Variants in DPP10 observed in about 807,000 individuals in gnomAD.
The protein encoded by DPP10 is inactive dipeptidyl peptidase 10.
In DPP10, 33 loss-of-function variants were observed where a neutral mutation model predicts 120.9. That is an observed-to-expected ratio of 0.27 (90% CI 0.21 to 0.37). The LOEUF (loss-of-function observed/expected upper bound fraction) is 0.37. Ranked by LOEUF, DPP10 falls within the 10% of genes least tolerant of loss-of-function variation. DPP10 has a pLI of 1.00. For missense variants in DPP10, 816 were observed against 942.8 expected, an observed-to-expected ratio of 0.87 and a Z score of 1.76; for synonymous variants, 337 against 326.1, an observed-to-expected ratio of 1.03 and a Z score of -0.36.
At chr2:114,881,514 A>G (rs62165252) in intron 1 of DPP10, among the ~76,000 whole-genome samples, 687 of 49,122 alleles carry the variant, frequency 0.014, 12 homozygotes, top group Middle Eastern at 0.045. Context: ...CTGTCTGTCT[A>G]TCTATCTATC....
chr2:115,449,925 T>G (rs928958815), intron 3 of DPP10, among the ~76,000 whole-genome samples: 1 of 152,072 alleles, frequency 6.6e-6, no homozygotes, highest in Non-Finnish European at 1.5e-5. Context: ...TGTCCTTTTA[T>G]TATTCGGAGA....
intron 1 of DPP10, among the ~76,000 whole-genome samples, chr2:114,980,654 A>G (rs1700025412): frequency 1.3e-5 from 2 of 151,554 alleles, no homozygotes; most frequent in Admixed American, 1.3e-4. Flanking sequence ...AAAAAAGAAT[A>G]CAATTCAGAA....
chr2:115,073,406 A>G (rs1707533305), intron 1 of DPP10, among the ~76,000 whole-genome samples: 1 of 152,206 alleles, frequency 6.6e-6, no homozygotes, highest in Non-Finnish European at 1.5e-5. Flanking sequence ...GCCTGTCGCT[A>G]GGCGCAGGGG....
At chr2:114,788,417 A>ATTTT (rs66808432) in intron 1 of DPP10, among the ~76,000 whole-genome samples, 1 of 145,822 alleles carries the variant, frequency 6.9e-6, no homozygotes, top group Non-Finnish European at 1.5e-5. Flanking sequence ...GAACATGTAC[A>ATTTT]TTTTTTTTTT....
At chr2:114,826,103 C>T (rs375780468) in intron 1 of DPP10, among the ~76,000 whole-genome samples, 4 of 152,062 alleles carry the variant, frequency 2.6e-5, no homozygotes, top group Non-Finnish European at 4.4e-5. Context: ...GAAAAACAAC[C>T]TTTCCAATGG....
chr2:115,130,093 T>A (rs930572247), intron 1 of DPP10, among the ~76,000 whole-genome samples: 1 of 152,204 alleles, frequency 6.6e-6, no homozygotes, highest in Non-Finnish European at 1.5e-5. Context: ...CCTATCCATA[T>A]ATCTCTACTA....
intron 1 of DPP10, among the ~76,000 whole-genome samples, chr2:114,595,031 T>C (rs965415158): frequency 5.3e-5 from 8 of 152,134 alleles, no homozygotes; most frequent in Non-Finnish European, 1.2e-4. Context: ...AAAAAACATG[T>C]TGGCCTCTCT....
chr2:115,302,383 A>G (rs1286543756), intron 1 of DPP10, among the ~76,000 whole-genome samples: 1 of 152,044 alleles, frequency 6.6e-6, no homozygotes, highest in Non-Finnish European at 1.5e-5. Context: ...GAGTTCTTTT[A>G]TAAACAAATT....
Position 114,541,143 on chromosome 2 carries a change from T to C in DPP10, c.60+98305T>C, listed in dbSNP as rs76601828. Among the ~76,000 whole-genome samples the C allele has an allele frequency of 1.5e-3, 235 of 152,336 alleles. 3 individuals are homozygous for C. The East Asian group carries it at 0.032, about 21-fold the overall frequency. ...CTCTGGCAGGGGTTGTGATTTCCGA[T>C]GGGGGCGAAGTCACGGCTTTTCGCA... On this transcript the variant is annotated intron_variant, in intron 1 of 25. Coordinates refer to ENST00000410059, the MANE Select transcript of DPP10 (RefSeq NM_020868.6).
In DPP10 at chr2:115,350,155, C is replaced by T. The variant is rs372461424; in HGVS notation, c.271+6243C>T. ...CAATTTGCATCTTTTTAATGGAAAA[C>T]TAAACAGCTGTAAAAATTAATATTT... On this transcript the variant is annotated intron_variant, in intron 3 of 25. Coordinates refer to ENST00000410059, the MANE Select transcript of DPP10 (RefSeq NM_020868.6). Among the ~76,000 whole-genome samples the T allele has an allele frequency of 8.6e-5, 13 of 151,902 alleles. No individual in the cohort carries two copies. The East Asian group carries it at 2.3e-3, about 27-fold the overall frequency.
At chr2:114,525,994 G>A (rs1418234229) in intron 1 of DPP10, among the ~76,000 whole-genome samples, 1 of 152,188 alleles carries the variant, frequency 6.6e-6, no homozygotes, top group Admixed American at 6.5e-5. Context: ...AGAAATATGA[G>A]CATAATACAA....
intron 7 of DPP10, among the ~76,000 whole-genome samples, chr2:115,715,210 A>G (rs2092451056): frequency 6.6e-6 from 1 of 150,906 alleles, no homozygotes; most frequent in Non-Finnish European, 1.5e-5. Flanking sequence ...GTGGTGGCAC[A>G]TGCCTGTAAT....
intron 1 of DPP10, among the ~76,000 whole-genome samples, chr2:114,629,721 C>T (rs910603482): frequency 6.6e-6 from 1 of 152,032 alleles, no homozygotes; most frequent in Non-Finnish European, 1.5e-5. Flanking sequence ...ACGATATGGA[C>T]CTAAATTCAT....
At chr2:114,772,462 T>A (rs1681356000) in intron 1 of DPP10, among the ~76,000 whole-genome samples, 1 of 112,444 alleles carries the variant, frequency 8.9e-6, no homozygotes, top group Admixed American at 8.2e-5. Flanking sequence ...CCCAGCCACC[T>A]TTTTTATTTT....
chr2:115,811,133 A>G (rs1686595679), intron 19 of DPP10, among the ~76,000 whole-genome samples: 1 of 152,194 alleles, frequency 6.6e-6, no homozygotes, highest in African/African-American at 2.4e-5. Flanking sequence ...TGTTCCTTAT[A>G]ATGCCAATGA....
At chr2:115,840,581 C>T (rs888944795) in intron 24 of DPP10, among the ~76,000 whole-genome samples, 169 bp from the exon 25 acceptor site, 1 of 151,916 alleles carries the variant, frequency 6.6e-6, no homozygotes, top group Non-Finnish European at 1.5e-5. Context: ...ACCTCGGCCT[C>T]CCAAAGTGCT....
intron 1 of DPP10, among the ~76,000 whole-genome samples, chr2:114,976,434 A>G (rs989208494): frequency 6.6e-6 from 1 of 152,070 alleles, no homozygotes; most frequent in Non-Finnish European, 1.5e-5. Flanking sequence ...TGGGCAGGTA[A>G]TTTTTTCCCA....
chr2:114,915,250 C>A (rs1435774817), intron 1 of DPP10, among the ~76,000 whole-genome samples: 1 of 152,022 alleles, frequency 6.6e-6, no homozygotes, highest in Non-Finnish European at 1.5e-5. Flanking sequence ...CAAAAATGAT[C>A]AAAAAAGACA....
At chr2:115,371,044 A>G (rs1330885777) in intron 3 of DPP10, among the ~76,000 whole-genome samples, 1 of 152,148 alleles carries the variant, frequency 6.6e-6, no homozygotes, top group Non-Finnish European at 1.5e-5. Context: ...AAAGGTTTAA[A>G]CATTTTGCCT....
Sources: allele counts gnomAD v4.1 joint callset (sites outside exome capture counted in the v4.1 genomes callset), GRCh38; gene constraint gnomAD v4.1.1; transcripts MANE v1.5; gene names NCBI Gene and HGNC (gene_info 2026-07-23, HGNC 2026-07-21).